The following EVA1C variants were observed in gnomAD, a reference collection of about 807,000 sequenced individuals.
The protein encoded by EVA1C is protein eva-1 homolog C.
EVA1C carries 25 observed loss-of-function variants against 45.4 expected under a neutral mutation model. The ratio of observed to expected loss-of-function variants is 0.55; its 90% CI spans 0.40 to 0.77. EVA1C has a LOEUF of 0.77. Ranked by LOEUF, EVA1C falls within the 30% of genes least tolerant of loss-of-function variation. The pLI is 0.00. For synonymous variants in EVA1C, 190 were observed against 221.2 expected (o/e 0.86, Z 1.25); for missense variants, 479 against 554.8 (o/e 0.86, Z 1.37).
At chr21:32,476,121 C>T (rs2036554080) in intron 4 of EVA1C, among the ~76,000 whole-genome samples, 1 of 151,846 alleles carries the variant, frequency 6.6e-6, no homozygotes, top group African/African-American at 2.4e-5. Context: ...ACTTGCACAC[C>T]TTGTCTCTCT....
At chr21:32,495,943 CT>C (rs1299016629) in intron 5 of EVA1C, among the ~76,000 whole-genome samples, 1 of 152,198 alleles carries the variant, frequency 6.6e-6, no homozygotes, top group Non-Finnish European at 1.5e-5. Context: ...GCTTTTTCCC[CT>C]GCCAAACATT....
chr21:32,475,393 A>G (rs2036518466), intron 4 of EVA1C, among the ~76,000 whole-genome samples: 1 of 151,852 alleles, frequency 6.6e-6, no homozygotes, highest in Admixed American at 6.6e-5. Flanking sequence ...CACAAACACC[A>G]TCATAATATT....
chr21:32,477,673 A>G (rs1237997421), intron 4 of EVA1C, among the ~76,000 whole-genome samples: 1 of 150,620 alleles, frequency 6.6e-6, no homozygotes, highest in Non-Finnish European at 1.5e-5. Flanking sequence ...AAGTGATGCA[A>G]AAGAACTGGT....
At chr21:32,453,879 G>A (rs533414600) in intron 2 of EVA1C, among the ~76,000 whole-genome samples, 3 of 152,280 alleles carry the variant, frequency 2.0e-5, no homozygotes, top group South Asian at 4.1e-4. Flanking sequence ...TTCTTTAATG[G>A]AAACCACAAG....
chr21:32,510,048 T>G (rs1324781051), intron 7 of EVA1C, among the ~76,000 whole-genome samples: 3 of 148,122 alleles, frequency 2.0e-5, no homozygotes, highest in Admixed American at 6.7e-5. Flanking sequence ...CATTCCTTTT[T>G]TTTTTTTTTT....
At chr21:32,466,463 T>C (rs2036179270) in intron 3 of EVA1C, among the ~76,000 whole-genome samples, 1 of 151,026 alleles carries the variant, frequency 6.6e-6, no homozygotes, top group Non-Finnish European at 1.5e-5. Flanking sequence ...ACATTTTTAC[T>C]AATTAAATGG....
At chr21:32,461,165 G>A (rs2035983769) in intron 3 of EVA1C, among the ~76,000 whole-genome samples, 1 of 152,232 alleles carries the variant, frequency 6.6e-6, no homozygotes, top group Non-Finnish European at 1.5e-5. Context: ...GGAAGCCTGT[G>A]GCTGCGGGTT....
chr21:32,498,404 G>A (rs1035114641), intron 5 of EVA1C, among the ~76,000 whole-genome samples: 7 of 148,936 alleles, frequency 4.7e-5, no homozygotes, highest in East Asian at 2.0e-4. Context: ...CTGAGATCTC[G>A]TCACTGCTTG....
chr21:32,493,125 G>A (rs768931194), intron 4 of EVA1C, among the ~76,000 whole-genome samples: 33 of 152,158 alleles, frequency 2.2e-4, no homozygotes, highest in Non-Finnish European at 4.4e-4. Flanking sequence ...TGAGAGCAGT[G>A]GCTGACATCA....
chr21:32,438,586 C>T lies in EVA1C; in HGVS notation c.161-14726C>T, dbSNP rs139751137. Among the ~76,000 whole-genome samples the T allele has an allele frequency of 2.7e-3, 409 of 151,946 alleles. 1 individual carries two copies. Among genetic ancestry groups the T allele is most frequent in the African/African-American group, 9.3e-3 (385 of 41,410 alleles). ...AAGGCAGAGGTTCCTCGATGGAGCT[C>T]TGCTGGGACCATGTGTAGTAGCAGC... On this transcript the variant is annotated intron_variant, in intron 1 of 7. Transcript: ENST00000300255.
At chr21:32,514,275 T>C (rs1485103657) in intron 7 of EVA1C, among the ~76,000 whole-genome samples, 4 of 152,204 alleles carry the variant, frequency 2.6e-5, no homozygotes. Flanking sequence ...CTAACATCTA[T>C]TATATTATTA....
Position 32,420,906 on chromosome 21 carries a change from A to G in EVA1C, c.160+7893A>G, listed in dbSNP as rs555711731. 1.6e-4 allele frequency among the ~76,000 whole-genome samples: 25 copies of G among 152,380 alleles called. 1 individual carries two copies. Among genetic ancestry groups the G allele is most frequent in the African/African-American group, 5.8e-4 (24 of 41,598 alleles). ...CCAAGGGAATAAAACAAAATAAATT[A>G]CATGCAGTTTAAAGCAGTGGCACTT... On this transcript the variant is annotated intron_variant, in intron 1 of 7. Transcript: ENST00000300255.
In EVA1C at chr21:32,452,491, G is replaced by T. The variant is rs113913942; in HGVS notation, c.161-821G>T. On this transcript the variant is annotated intron_variant, in intron 1 of 7. Coordinates refer to ENST00000300255, the MANE Select transcript of EVA1C (RefSeq NM_058187.5). This position sits in a 1 kb window ranked among gnomAD's most constrained non-coding sequence, Gnocchi z 4.0. Reference sequence around the variant, plus strand: ...GTAGAATTGGGTGTTTACAGCTCCCGAAGCCCCAGTGGGCATGTGTTACAG... The same window carrying T: ...GTAGAATTGGGTGTTTACAGCTCCCTAAGCCCCAGTGGGCATGTGTTACAG... 2 of 152,236 alleles carry T rather than the reference G, an allele frequency of 1.3e-5. No homozygotes were observed. The highest frequency in any genetic ancestry group is 4.1e-4 in the South Asian group (2 of 4,832). The allele number at this position is 152,236 out of a possible 1,614,324, so 9.4% of individuals were successfully genotyped here. A position where few individuals can be genotyped will look rare whatever the true frequency, so the allele number is the denominator to read the frequency against.
chr21:32,432,424 G>C (rs1472850881), intron 1 of EVA1C, among the ~76,000 whole-genome samples: 3 of 152,128 alleles, frequency 2.0e-5, no homozygotes, highest in Non-Finnish European at 2.9e-5. Context: ...AGAAAGGAAG[G>C]CTCTGGAACC....
intron 6 of EVA1C, among the ~76,000 whole-genome samples, chr21:32,502,302 T>C (rs1446643248): frequency 6.6e-6 from 1 of 152,022 alleles, no homozygotes; most frequent in African/African-American, 2.4e-5. Flanking sequence ...TTTCACCATG[T>C]TAGTCAGGCT....
At chr21:32,475,354 T>TCAC (rs1484963007) in intron 4 of EVA1C, among the ~76,000 whole-genome samples, 4 of 151,518 alleles carry the variant, frequency 2.6e-5, no homozygotes, top group Non-Finnish European at 5.9e-5. Context: ...ATCATCATCA[T>TCAC]CATCATCATC....
At chr21:32,413,300 G>T (rs1568849359) in intron 1 of EVA1C, among the ~76,000 whole-genome samples, 1 of 152,232 alleles carries the variant, frequency 6.6e-6, no homozygotes, top group Non-Finnish European at 1.5e-5. Flanking sequence ...CCTGAGCCAC[G>T]CTCGTTCTAT....
intron 3 of EVA1C, among the ~76,000 whole-genome samples, chr21:32,459,838 C>CAAAA (rs35572319): frequency 6.8e-4 from 43 of 63,152 alleles, no homozygotes; most frequent in African/African-American, 2.0e-3. Context: ...GAGACTGTCT[C>CAAAA]AAAAAAAAAA....
chr21:32,441,746 G>C (rs941659688), intron 1 of EVA1C, among the ~76,000 whole-genome samples: 27 of 152,144 alleles, frequency 1.8e-4, no homozygotes, highest in Admixed American at 1.8e-3. Flanking sequence ...TGAATCAGAG[G>C]GTTGGTGTAC....
Sources: allele counts gnomAD v4.1 joint callset (sites outside exome capture counted in the v4.1 genomes callset), GRCh38; gene constraint gnomAD v4.1.1; non-coding constraint Gnocchi (gnomAD v3.1); transcripts MANE v1.5; gene names NCBI Gene and HGNC (gene_info 2026-07-23, HGNC 2026-07-21).